Variants in TIAM1 observed in about 807,000 individuals in gnomAD.
The protein encoded by TIAM1 is rho guanine nucleotide exchange factor TIAM1.
TIAM1 carries 65 observed loss-of-function variants against 163.5 expected under a neutral mutation model. The ratio of observed to expected loss-of-function variants is 0.40; its 90% CI spans 0.33 to 0.49. The LOEUF (loss-of-function observed/expected upper bound fraction) is 0.49, where lower values mean the gene tolerates loss of function less well. TIAM1 is among the 20% of genes least tolerant of loss of function. The pLI is 0.77. For synonymous variants in TIAM1, 833 were observed against 810.1 expected, an observed-to-expected ratio of 1.03 and a Z score of -0.48; for missense variants, 1,789 against 2,044.7, an observed-to-expected ratio of 0.87 and a Z score of 2.41.
Position 31,203,010 on chromosome 21 carries a change from T to C in TIAM1, c.2391A>G (p.Thr797=), listed in dbSNP as rs1318514454. Residue 797 remains threonine, a splice_region_variant and synonymous_variant, in exon 12 of 28, where the codon ACA becomes ACG. Transcript: ENST00000541036. The part of the protein sequence containing the change: ...ARDTLELICK[T]HQLDHSAHYL... ...AATGAGCAGAATGATCCAGTTGATG[T>C]GTCTGGGACAAAAAAGAAAGAAAGA... 1 of 1,609,882 alleles carries C rather than the reference T, an allele frequency of 6.2e-7. No homozygotes were observed.
intron 4 of TIAM1, among the ~76,000 whole-genome samples, chr21:31,260,122 T>A (rs951928998): frequency 1.3e-5 from 2 of 148,976 alleles, no homozygotes; most frequent in African/African-American, 2.4e-5. Flanking sequence ...TTTTTTTTTT[T>A]TAGAGGCGAG....
chr21:31,208,046 C>T (rs2086544471), intron 11 of TIAM1, among the ~76,000 whole-genome samples: 1 of 152,194 alleles, frequency 6.6e-6, no homozygotes, highest in Admixed American at 6.5e-5. Flanking sequence ...CATCAGAAAC[C>T]TTTCAGGTGA....
intron 26 of TIAM1, among the ~76,000 whole-genome samples, chr21:31,125,206 C>A (rs2082147863): frequency 6.7e-6 from 1 of 149,352 alleles, no homozygotes; most frequent in Non-Finnish European, 1.5e-5. Context: ...CTTCCCAAGT[C>A]CTAATTCTCA....
intron 6 of TIAM1, among the ~76,000 whole-genome samples, chr21:31,238,708 T>C (rs1255437472): frequency 2.0e-5 from 3 of 152,216 alleles, no homozygotes; most frequent in Non-Finnish European, 2.9e-5. Flanking sequence ...AGCTTAATTG[T>C]AGGAATGAGA....
At chr21:31,200,651 A>G (rs1782458978) in intron 12 of TIAM1, among the ~76,000 whole-genome samples, 1 of 152,222 alleles carries the variant, frequency 6.6e-6, no homozygotes, top group Admixed American at 6.5e-5. Context: ...GCTAATAAAT[A>G]AGAACATATA....
intron 15 of TIAM1, among the ~76,000 whole-genome samples, chr21:31,171,407 G>C (rs1217447773): frequency 6.6e-6 from 1 of 152,024 alleles, no homozygotes; most frequent in Admixed American, 6.5e-5. Context: ...TTTGTAAAAA[G>C]GCACCATAAA....
chr21:31,317,179 G>A (rs1260855374), intron 2 of TIAM1, among the ~76,000 whole-genome samples: 1 of 152,176 alleles, frequency 6.6e-6, no homozygotes, highest in African/African-American at 2.4e-5. Context: ...GCTTGGCCGG[G>A]CATGGTGGCT....
In TIAM1 at chr21:31,292,814, G is replaced by A. The variant is rs182286617; in HGVS notation, c.-188-15906C>T. Among the ~76,000 whole-genome samples the A allele has an allele frequency of 5.6e-3, 855 of 151,938 alleles. 5 individuals carry two copies. The highest frequency in any genetic ancestry group is 0.02 in the African/African-American group (817 of 41,430). On this transcript the variant is annotated intron_variant, in intron 2 of 27. Coordinates refer to ENST00000541036, the MANE Select transcript of TIAM1 (RefSeq NM_001353694.2). ...CCTCCAGGTAGCTGGGATGACAGGT[G>A]CGCACCACCACGCCTGGCTAATTTT... is the stretch of plus-strand genomic sequence containing the variant.
chr21:31,427,810 G>A (rs983516542), intron 2 of TIAM1, among the ~76,000 whole-genome samples: 1 of 152,064 alleles, frequency 6.6e-6, no homozygotes, highest in Admixed American at 6.6e-5. Context: ...CTCCAGCCTG[G>A]ACAACAGAGC....
At chr21:31,286,144 A>T (rs545362955) in intron 2 of TIAM1, among the ~76,000 whole-genome samples, 1 of 152,260 alleles carries the variant, frequency 6.6e-6, no homozygotes, top group South Asian at 2.1e-4. Context: ...GGATATTATG[A>T]ATATCATCAA....
intron 13 of TIAM1, 75 bp downstream of exon 13, chr21:31,195,149 T>A: frequency 1.6e-6 from 2 of 1,272,536 alleles, no homozygotes; most frequent in Non-Finnish European, 2.3e-6. Flanking sequence ...AGGCATTTTG[T>A]TGAACTGTAA....
chr21:31,475,776 A>G (rs1215001828), intron 1 of TIAM1, among the ~76,000 whole-genome samples: 2 of 152,232 alleles, frequency 1.3e-5, no homozygotes, highest in African/African-American at 4.8e-5. Flanking sequence ...CAGAGAAAAC[A>G]GCGAAACGAT....
At chr21:31,263,907 A>C (rs1416907357) in intron 4 of TIAM1, among the ~76,000 whole-genome samples, 2 of 152,210 alleles carry the variant, frequency 1.3e-5, no homozygotes, top group Non-Finnish European at 2.9e-5. Context: ...AATAGGTCAC[A>C]TATCTCCATG....
intron 2 of TIAM1, among the ~76,000 whole-genome samples, chr21:31,359,828 G>C (rs1480605087): frequency 6.0e-5 from 8 of 132,524 alleles, no homozygotes; most frequent in Non-Finnish European, 1.1e-4. Flanking sequence ...AAGGAAGGAA[G>C]GAAGGAAGGA....
chr21:31,300,711 A>G (rs1234825505), intron 2 of TIAM1, among the ~76,000 whole-genome samples: 1 of 152,250 alleles, frequency 6.6e-6, no homozygotes, highest in Non-Finnish European at 1.5e-5. Flanking sequence ...AACGTAAGTA[A>G]CTATTGTTGA....
At chr21:31,209,135 C>T (rs73351554) in intron 11 of TIAM1, among the ~76,000 whole-genome samples, 3,702 of 152,224 alleles carry the variant, frequency 0.024, 161 homozygotes, top group African/African-American at 0.084. Context: ...TTCAGTCTCT[C>T]CTTTGCAACT....
rs1405795863 is a variant in TIAM1, at chr21:31,251,138, CTGGATGAGTCCAAAAAGA to C, written c.1411+586_1411+603del. Among the ~76,000 whole-genome samples, 226 of 152,300 alleles carry C rather than the reference CTGGATGAGTCCAAAAAGA, an allele frequency of 1.5e-3. 2 individuals are homozygous for C. The highest frequency in any genetic ancestry group is 4.6e-4 in the Non-Finnish European group (31 of 68,022). Reference sequence around the variant, plus strand: ...AATAGTCACTTTGAAAGACAAAAAGCTGGATGAGTCCAAAAAGATTTGGTTTTTTTGGAACTCATCCTT... The same window carrying C: ...AATAGTCACTTTGAAAGACAAAAAGCTTTGGTTTTTTTGGAACTCATCCTT... On this transcript the variant is annotated intron_variant, in intron 5 of 27. Coordinates refer to ENST00000541036, the MANE Select transcript of TIAM1 (RefSeq NM_001353694.2).
At position 31,236,875 on chromosome 21, in the gene TIAM1, G is replaced by T. The variant is rs184137979; in HGVS notation, c.1584+8613C>A. Among the ~76,000 whole-genome samples, 1,302 of 152,312 alleles carry T rather than the reference G, an allele frequency of 8.5e-3. 15 individuals are homozygous for T. The highest frequency in any genetic ancestry group is 0.03 in the African/African-American group (1,235 of 41,568). The stretch of plus-strand genomic sequence containing the variant: ...CTTACAAGTAAGAACAGGGAGAATG[G>T]CTTGGGAACCTTAGGCAGGGTTGCC... On this transcript the variant is annotated intron_variant, in intron 6 of 27. Transcript: ENST00000541036.
At chr21:31,212,412 C>T (rs768837961) in intron 10 of TIAM1, among the ~76,000 whole-genome samples, 2 of 152,016 alleles carry the variant, frequency 1.3e-5, no homozygotes, top group Non-Finnish European at 2.9e-5. Flanking sequence ...AACATCAGAC[C>T]ATCCCCCATC....
Sources: allele counts gnomAD v4.1 joint callset (sites outside exome capture counted in the v4.1 genomes callset), GRCh38; gene constraint gnomAD v4.1.1; transcripts MANE v1.5; gene names NCBI Gene and HGNC (gene_info 2026-07-23, HGNC 2026-07-21).